Variants in CLMN observed in about 807,000 individuals in gnomAD.
CLMN encodes calmin.
A neutral mutation model predicts 92.7 loss-of-function variants in CLMN; 57 were observed. The ratio of observed to expected loss-of-function variants is 0.61; its 90% CI spans 0.50 to 0.77. The LOEUF (loss-of-function observed/expected upper bound fraction) is 0.77. CLMN is among the 30% of genes least tolerant of loss of function. CLMN has a pLI of 0.00. For missense variants in CLMN, 1,158 were observed against 1,237.5 expected, an observed-to-expected ratio of 0.94 and a Z score of 0.96; for synonymous variants, 466 against 470.6, an observed-to-expected ratio of 0.99 and a Z score of 0.13.
chr14:95,223,887 T>C, intron 2 of CLMN, 32 bp from the exon 3 acceptor site: 1 of 1,463,760 alleles, frequency 6.8e-7, no homozygotes, highest in Non-Finnish European at 9.5e-7. Context: ...AGTAGCCAAT[T>C]AGCAACCTGT....
chr14:95,268,103 G>A (rs1566904802), intron 1 of CLMN, among the ~76,000 whole-genome samples: 1 of 152,146 alleles, frequency 6.6e-6, no homozygotes, highest in Non-Finnish European at 1.5e-5. Flanking sequence ...GTGTTCAATA[G>A]TTCAGTACAG....
At chr14:95,211,142 A>G (rs889776920) in intron 6 of CLMN, among the ~76,000 whole-genome samples, 3 of 152,258 alleles carry the variant, frequency 2.0e-5, no homozygotes, top group Non-Finnish European at 2.9e-5. Context: ...AGACACATAA[A>G]GGACCAACTG....
At chr14:95,231,121 G>C (rs1897872117) in intron 1 of CLMN, among the ~76,000 whole-genome samples, 1 of 152,140 alleles carries the variant, frequency 6.6e-6, no homozygotes, top group South Asian at 2.1e-4. Context: ...CTGCACAGCA[G>C]GTGGTGAGAA....
chr14:95,292,017 T>C (rs1900586115), intron 1 of CLMN, among the ~76,000 whole-genome samples: 2 of 152,246 alleles, frequency 1.3e-5, no homozygotes. Context: ...GTGCCAAGGG[T>C]TGACGTGTTC....
chr14:95,208,197 CTG>C (rs1423945312), intron 8 of CLMN, among the ~76,000 whole-genome samples: 1 of 152,196 alleles, frequency 6.6e-6, no homozygotes, highest in African/African-American at 2.4e-5. Flanking sequence ...TCACTTATAA[CTG>C]TTTCCGTTAC....
chr14:95,245,852 C>A (rs1898546847), intron 1 of CLMN, among the ~76,000 whole-genome samples: 1 of 127,986 alleles, frequency 7.8e-6, no homozygotes, highest in South Asian at 2.6e-4. Context: ...GGGTGGATTG[C>A]TGGATGGATG....
chr14:95,228,504 T>C (rs1217648367), intron 2 of CLMN, among the ~76,000 whole-genome samples: 1 of 152,222 alleles, frequency 6.6e-6, no homozygotes, highest in Non-Finnish European at 1.5e-5. Context: ...GAATGCCTGC[T>C]CGGGCAATAT....
intron 1 of CLMN, among the ~76,000 whole-genome samples, chr14:95,293,603 C>T (rs879503205): frequency 6.6e-5 from 10 of 152,120 alleles, no homozygotes; most frequent in Non-Finnish European, 1.0e-4. Context: ...TCCCAGCAGG[C>T]AGGAACGAGC....
chr14:95,293,298 T>C (rs1370376674), intron 1 of CLMN, among the ~76,000 whole-genome samples: 1 of 67,162 alleles, frequency 1.5e-5, no homozygotes, highest in Non-Finnish European at 2.9e-5. Context: ...CCCTCCTTCC[T>C]TCCCTCCCTC....
chr14:95,283,091 T>C (rs1900200709), intron 1 of CLMN, among the ~76,000 whole-genome samples: 1 of 152,226 alleles, frequency 6.6e-6, no homozygotes, highest in African/African-American at 2.4e-5. Context: ...TTGAATTTTA[T>C]CTCCCAGAAT....
intron 1 of CLMN, among the ~76,000 whole-genome samples, chr14:95,291,746 G>A (rs913572920): frequency 2.0e-5 from 3 of 152,198 alleles, no homozygotes; most frequent in Non-Finnish European, 2.9e-5. Context: ...GAATGAACGT[G>A]CAAGGAGGTT....
intron 2 of CLMN, among the ~76,000 whole-genome samples, chr14:95,225,260 G>T (rs556662992): frequency 6.6e-6 from 1 of 151,902 alleles, no homozygotes; most frequent in South Asian, 2.1e-4. Flanking sequence ...AAGCAAGGCC[G>T]TTAGACACAC....
At chr14:95,215,497 T>C (rs1897310481) in intron 5 of CLMN, 144 bp downstream of exon 5, 2 of 669,346 alleles carry the variant, frequency 3.0e-6, no homozygotes, top group Admixed American at 2.7e-5. Flanking sequence ...CAGATTCTTC[T>C]AGTGCTTTTT....
intron 1 of CLMN, among the ~76,000 whole-genome samples, chr14:95,262,346 G>A (rs1263389161): frequency 6.6e-6 from 1 of 152,156 alleles, no homozygotes; most frequent in Non-Finnish European, 1.5e-5. Context: ...CCAGTGACCA[G>A]AGGACAACTC....
intron 1 of CLMN, among the ~76,000 whole-genome samples, chr14:95,317,108 T>C (rs1901816052): frequency 6.6e-6 from 1 of 152,134 alleles, no homozygotes; most frequent in Non-Finnish European, 1.5e-5. Flanking sequence ...GCCCCCAAAG[T>C]CGATCATCCA....
chr14:95,204,791 G>A (rs533390535), intron 8 of CLMN, among the ~76,000 whole-genome samples: 283 of 152,310 alleles, frequency 1.9e-3, no homozygotes, highest in African/African-American at 6.6e-3. Flanking sequence ...TCTAAAGTGA[G>A]CAGAGATTGT....
At chr14:95,264,440 T>C (rs1168209137) in intron 1 of CLMN, among the ~76,000 whole-genome samples, 2 of 152,166 alleles carry the variant, frequency 1.3e-5, no homozygotes, top group African/African-American at 4.8e-5. Context: ...GTTAGTCCCG[T>C]AAAACATTCA....
At chr14:95,260,049 C>T (rs571121671) in intron 1 of CLMN, among the ~76,000 whole-genome samples, 10 of 152,342 alleles carry the variant, frequency 6.6e-5, no homozygotes, top group African/African-American at 7.2e-5. Flanking sequence ...GCAGCACCCA[C>T]GACTCTGCAT....
intron 1 of CLMN, among the ~76,000 whole-genome samples, chr14:95,286,644 A>G (rs1206983778): frequency 6.6e-6 from 1 of 152,246 alleles, no homozygotes; most frequent in Non-Finnish European, 1.5e-5. Flanking sequence ...CGGCTCAGTT[A>G]CAAAATGTTT....
Sources: gnomAD v4.1 joint callset for allele counts (sites outside exome capture counted in the v4.1 genomes callset) on GRCh38, gnomAD v4.1.1 for gene constraint, MANE v1.5 for transcripts, NCBI Gene and HGNC (gene_info 2026-07-23, HGNC 2026-07-21) for gene names.